Variants in ARHGEF33 observed in about 807,000 individuals in gnomAD.
The protein encoded by ARHGEF33 is Rho guanine nucleotide exchange factor 33.
A neutral mutation model predicts 101.9 loss-of-function variants in ARHGEF33; 72 were observed. The ratio of observed to expected loss-of-function variants is 0.71; its 90% CI spans 0.58 to 0.86. The LOEUF is 0.86. ARHGEF33 is among the 40% of genes least tolerant of loss of function. The pLI is 0.00. For missense variants in ARHGEF33, 1,169 were observed against 1,111.3 expected, an observed-to-expected ratio of 1.05 and a Z score of -0.74; for synonymous variants, 499 against 442.5, an observed-to-expected ratio of 1.13 and a Z score of -1.60.
rs1007712421 is a variant in ARHGEF33 at position 38,975,281 on chromosome 2, A to C, written c.*1438A>C. 8 of 152,244 alleles carry C rather than the reference A, an allele frequency of 5.3e-5. No homozygotes were observed. The highest frequency in any genetic ancestry group is 1.9e-4 in the African/African-American group (8 of 41,472). The allele number at this position is 152,244 out of a possible 1,614,324, so 9.4% of individuals were successfully genotyped here. A position where few individuals can be genotyped will look rare whatever the true frequency, so the allele number is the denominator to read the frequency against. On this transcript the variant is annotated 3_prime_UTR_variant, in exon 18 of 18. Coordinates refer to ENST00000409978, the MANE Select transcript of ARHGEF33 (RefSeq NM_001145451.5). ...CAAGTTTTTTGAGTTTCCAGGATCTAAGTTTAAGCCAAGATTTTTGTTTCC... is the reference window on the plus strand; with the variant it reads ...CAAGTTTTTTGAGTTTCCAGGATCTCAGTTTAAGCCAAGATTTTTGTTTCC...
rs978410222 is a variant in ARHGEF33, at chr2:38,960,487, A to G, written c.2182A>G (p.Thr728Ala). 3.6e-5 allele frequency: 51 copies of G among 1,405,148 alleles called. No homozygotes were observed. The highest frequency in any genetic ancestry group is 6.0e-5 in the Admixed American group (2 of 33,122). The allele number at this position is 1,405,148 out of a possible 1,614,324, so 87.0% of individuals were successfully genotyped here. A position where few individuals can be genotyped will look rare whatever the true frequency, so the allele number is the denominator to read the frequency against. The part of the protein sequence containing the change: ...ADGVAPRLYS[T>A]RSSSGGRAPI... ...CGGCGTGGCCCCACGCCTCTACAGC[A>G]CGCGCAGCAGCAGCGGCGGCCGCGC... Residue 728 changes from threonine (T) to alanine (A), a missense_variant, in exon 16 of 18, where the codon ACG (threonine) becomes GCG (alanine). Thr to Ala is a moderately conservative substitution (Grantham distance 58). Transcript: ENST00000409978.
chr2:38,941,321 A>T (rs1667301619), intron 9 of ARHGEF33, among the ~76,000 whole-genome samples: 1 of 152,194 alleles, frequency 6.6e-6, no homozygotes, highest in East Asian at 1.9e-4. Context: ...GTACAAGGGC[A>T]GCTTGAGGTT....
intron 10 of ARHGEF33, among the ~76,000 whole-genome samples, chr2:38,946,325 A>G (rs1667450110): frequency 6.6e-6 from 1 of 152,118 alleles, no homozygotes; most frequent in Non-Finnish European, 1.5e-5. Context: ...ATCCTACGAG[A>G]TTGAAAAATT....
In ARHGEF33 at chr2:38,963,789, AT is replaced by A. The variant is rs201084829; in HGVS notation, c.2344-2215del. 7.6e-3 allele frequency among the ~76,000 whole-genome samples: 1,158 copies of A among 152,224 alleles called. 9 individuals are homozygous for A. The highest frequency in any genetic ancestry group is 0.012 in the Non-Finnish European group (801 of 68,026). ...TCAGAATTTAGGATCATTCGCGGTG[AT>A]TGATATAAACATTAAGTGTAGGTGG... On this transcript the variant is annotated intron_variant, in intron 16 of 17. Transcript: ENST00000409978.
At position 38,937,552 on chromosome 2, in the gene ARHGEF33, C is replaced by T. The variant is rs1007171726; in HGVS notation, c.783C>T (p.Ser261=). 4 of 1,529,272 alleles carry T rather than the reference C, an allele frequency of 2.6e-6. No homozygotes were observed. The highest frequency in any genetic ancestry group is 1.8e-6 in the Non-Finnish European group (2 of 1,127,698). The allele number at this position is 1,529,272 out of a possible 1,614,324, so 94.7% of individuals were successfully genotyped here. A position where few individuals can be genotyped will look rare whatever the true frequency, so the allele number is the denominator to read the frequency against. The change falls in exon 9 of 18, where the codon TCC becomes TCT. Residue 261 remains serine, a synonymous_variant. Transcript: ENST00000409978. The part of the protein sequence containing the change: ...SSLENVLCET[S]LAAKRQTVAL... ...TGGAAAACGTTTTATGTGAAACCTC[C>T]TTAGCTGGTAAGTTCCAAGGGGGAA...
chr2:38,913,665 A>G (rs1227112381), intron 2 of ARHGEF33, among the ~76,000 whole-genome samples: 1 of 151,914 alleles, frequency 6.6e-6, no homozygotes, highest in Non-Finnish European at 1.5e-5. Context: ...AATCCCAGCT[A>G]TTCAGGAGGC....
In ARHGEF33 at chr2:38,937,347, C is replaced by T; in HGVS notation, c.578C>T (p.Thr193Ile). 1 of 1,097,202 alleles carries T rather than the reference C, an allele frequency of 9.1e-7. No homozygotes were observed. The highest frequency in any genetic ancestry group is 1.2e-6 in the Non-Finnish European group (1 of 807,360). The allele number at this position is 1,097,202 out of a possible 1,614,324, so 68.0% of individuals were successfully genotyped here. A position where few individuals can be genotyped will look rare whatever the true frequency, so the allele number is the denominator to read the frequency against. Reference protein sequence around the residue: ...KGMMGPGVNPTTPEAEENLKS... With the variant: ...KGMMGPGVNPITPEAEENLKS... ...CCCACCCCACCAGGAGTGAACCCAA[C>T]AACTCCAGAAGCAGAAGAAAACCTC... The change falls in exon 9 of 18, where the codon ACA (threonine) becomes ATA (isoleucine). Residue 193 changes from threonine to isoleucine, a missense_variant. Thr to Ile is a moderately conservative substitution (Grantham distance 89). Transcript: ENST00000409978.
intron 2 of ARHGEF33, among the ~76,000 whole-genome samples, chr2:38,916,075 G>GTACA (rs1453300982): frequency 6.6e-6 from 1 of 152,170 alleles, no homozygotes; most frequent in Non-Finnish European, 1.5e-5. Flanking sequence ...GTTGTCATAT[G>GTACA]TACATATGTG....
intron 4 of ARHGEF33, among the ~76,000 whole-genome samples, chr2:38,922,611 C>A (rs920317116): frequency 1.3e-5 from 2 of 152,144 alleles, no homozygotes; most frequent in African/African-American, 4.8e-5. Flanking sequence ...ATTTATTGAG[C>A]AGTTACTATG....
chr2:38,937,260 G>A, intron 8 of ARHGEF33, 75 bp from the exon 9 acceptor site: 1 of 754,404 alleles, frequency 1.3e-6, no homozygotes, highest in South Asian at 1.7e-5. Flanking sequence ...TCCGAAAGTG[G>A]TAACAAACAT....
chr2:38,924,307 T>C (rs1666821953), intron 4 of ARHGEF33, among the ~76,000 whole-genome samples: 1 of 152,184 alleles, frequency 6.6e-6, no homozygotes, highest in African/African-American at 2.4e-5. Flanking sequence ...AAAAGTCTAT[T>C]CCCTATTTCC....
At chr2:38,931,400 A>G in intron 7 of ARHGEF33, 149 bp downstream of exon 7, 1 of 665,364 alleles carries the variant, frequency 1.5e-6, no homozygotes, top group Non-Finnish European at 2.4e-6. Flanking sequence ...AGAAGAATCC[A>G]GAGGATCTAA....
intron 1 of ARHGEF33, among the ~76,000 whole-genome samples, chr2:38,890,969 T>TG (rs1053818497): frequency 2.4e-3 from 8 of 3,338 alleles, no homozygotes; most frequent in African/African-American, 2.5e-3. Flanking sequence ...ATACTATTGG[T>TG]TTTTTTTTTT....
At chr2:38,965,211 CTTAAA>C (rs1319864370) in intron 16 of ARHGEF33, among the ~76,000 whole-genome samples, 2 of 152,086 alleles carry the variant, frequency 1.3e-5, no homozygotes, top group Admixed American at 6.5e-5. Context: ...TAAAGTTGCT[CTTAAA>C]TTATAGTCAC....
At chr2:38,945,368 A>T (rs1479910743) in intron 10 of ARHGEF33, among the ~76,000 whole-genome samples, 3 of 152,242 alleles carry the variant, frequency 2.0e-5, no homozygotes, top group African/African-American at 7.2e-5. Flanking sequence ...CGAGTGGCCT[A>T]TTTTCAAGAG....
rs974722510 is a variant in ARHGEF33, at chr2:38,909,174, G to A, written c.-85-10189G>A. On this transcript the variant is annotated intron_variant, in intron 2 of 17. Coordinates refer to ENST00000409978, the MANE Select transcript of ARHGEF33 (RefSeq NM_001145451.5). ...CTTGTGACCTGGTTCAGTGGCAGGA[G>A]CCACCTTGTTTCTAGCAGCACCCAT... 4.6e-5 allele frequency among the ~76,000 whole-genome samples: 7 copies of A among 152,186 alleles called. No individual in the cohort carries two copies. The East Asian group carries it at 1.3e-3, about 29-fold the overall frequency.
chr2:38,970,064 C>G (rs942131188), intron 17 of ARHGEF33, among the ~76,000 whole-genome samples: 2 of 152,182 alleles, frequency 1.3e-5, no homozygotes, highest in African/African-American at 4.8e-5. Flanking sequence ...GGTACTCTCT[C>G]TTTTTATCCT....
intron 9 of ARHGEF33, among the ~76,000 whole-genome samples, chr2:38,938,438 C>G (rs1038605168): frequency 5.3e-5 from 8 of 152,148 alleles, no homozygotes; most frequent in African/African-American, 1.9e-4. Flanking sequence ...ACATGGGAGT[C>G]CAAGGTAGGA....
Position 38,953,082 on chromosome 2 carries a change from T to C in ARHGEF33, c.1054-80T>C, listed in dbSNP as rs543295763. Reference sequence around the variant, plus strand: ...AGATAATCTCTGCAAAGTACTCTTCTTTTACATATATGACTCTATAAAAAT... The same window carrying C: ...AGATAATCTCTGCAAAGTACTCTTCCTTTACATATATGACTCTATAAAAAT... On this transcript the variant is annotated intron_variant, in intron 11 of 17. Coordinates refer to ENST00000409978, the MANE Select transcript of ARHGEF33 (RefSeq NM_001145451.5). 480 of 716,964 alleles carry C rather than the reference T, an allele frequency of 6.7e-4. No individual in the cohort carries two copies. The African/African-American group carries it at 7.3e-3, about 11-fold the overall frequency. The allele number at this position is 716,964 out of a possible 1,614,324, so 44.4% of individuals were successfully genotyped here. A position where few individuals can be genotyped will look rare whatever the true frequency, so the allele number is the denominator to read the frequency against.
Sources: gnomAD v4.1 joint callset for allele counts (sites outside exome capture counted in the v4.1 genomes callset) on GRCh38, gnomAD v4.1.1 for gene constraint, MANE v1.5 for transcripts, NCBI Gene and HGNC (gene_info 2026-07-23, HGNC 2026-07-21) for gene names.